Variants in GASK1A observed in about 807,000 individuals in gnomAD.
GASK1A encodes the protein golgi associated kinase 1A, also known as Golgi-associated kinase 1A.
GASK1A carries 40 observed loss-of-function variants against 41.2 expected under a neutral mutation model. The ratio of observed to expected loss-of-function variants is 0.97; its 90% CI spans 0.75 to 1.27. GASK1A has a LOEUF of 1.27. Ranked by LOEUF, GASK1A falls within the 50% of genes most tolerant of loss-of-function variation. The probability of loss-of-function intolerance (pLI) is 0.00; values close to 1 mark genes in which losing one functional copy is unlikely to be tolerated. For synonymous variants in GASK1A, 316 were observed against 307.1 expected (o/e 1.03, Z -0.30); for missense variants, 678 against 745.1 (o/e 0.91, Z 1.05).
Position 43,044,418 on chromosome 3 carries a change from A to G in GASK1A, c.1291-9103A>G, listed in dbSNP as rs142716029. On this transcript the variant is annotated intron_variant, in intron 2 of 4. Coordinates refer to ENST00000430121, the MANE Select transcript of GASK1A (RefSeq NM_001129908.3). ...TGAGGACAGTGCTTTTTCGGAGGGA[A>G]CCACTGGCCTGTCCCCTCCAGGGCC... Among the ~76,000 whole-genome samples the G allele has an allele frequency of 1.8e-4, 27 of 152,140 alleles. 1 individual carries two copies. The East Asian group carries it at 5.2e-3, about 29-fold the overall frequency.
chr3:43,027,379 A>T (rs1000970263), intron 1 of GASK1A, among the ~76,000 whole-genome samples: 4 of 152,232 alleles, frequency 2.6e-5, no homozygotes, highest in African/African-American at 9.6e-5. Flanking sequence ...AAACAATTGG[A>T]TGGGGGATGA....
intron 1 of GASK1A, among the ~76,000 whole-genome samples, chr3:43,010,344 T>C (rs2089457546): frequency 6.6e-6 from 1 of 152,226 alleles, no homozygotes; most frequent in Admixed American, 6.5e-5. Flanking sequence ...AGAACCCTAA[T>C]GCTTTCAGGG....
At chr3:42,989,217 A>C (rs1022472209) in intron 1 of GASK1A, among the ~76,000 whole-genome samples, 4 of 152,020 alleles carry the variant, frequency 2.6e-5, no homozygotes, top group African/African-American at 9.7e-5. Flanking sequence ...ATAGGGGGAG[A>C]GGGTTGCAGG....
chr3:43,047,474 A>G lies in GASK1A; in HGVS notation c.1291-6047A>G, dbSNP rs539929664. ...TCGTTCCTCACAGAGCCCTGATTTGATTCACCTTCCACCTATTCCTGGATT... is the reference window on the plus strand; with the variant it reads ...TCGTTCCTCACAGAGCCCTGATTTGGTTCACCTTCCACCTATTCCTGGATT... On this transcript the variant is annotated intron_variant, in intron 2 of 4. Transcript: ENST00000430121. 2.0e-5 allele frequency among the ~76,000 whole-genome samples: 3 copies of G among 152,292 alleles called. No individual in the cohort carries two copies. In the South Asian group the frequency reaches 6.2e-4, roughly 32 times the overall value.
rs1329284553 is a variant in GASK1A, at chr3:43,039,205, G to GTTTT, written c.1290+5664_1290+5667dup. ...TGCCACCAGGTAGTTTTTTTTTTTGGTTTTTTTTTTTTTTTGAGATGGAGT... is the reference window on the plus strand; with the variant it reads ...TGCCACCAGGTAGTTTTTTTTTTTGGTTTTTTTTTTTTTTTTTTTGAGATGGAGT... On this transcript the variant is annotated intron_variant, in intron 2 of 4. Transcript: ENST00000430121. Among the ~76,000 whole-genome samples the GTTTT allele has an allele frequency of 4.8e-5, 6 of 125,780 alleles. 1 individual carries two copies. The highest frequency in any genetic ancestry group is 1.7e-4 in the Admixed American group (2 of 12,076). The allele number at this position is 125,780 out of a possible 152,430, so 82.5% of individuals were successfully genotyped here. A position where few individuals can be genotyped will look rare whatever the true frequency, so the allele number is the denominator to read the frequency against.
intron 1 of GASK1A, among the ~76,000 whole-genome samples, chr3:42,987,460 G>C (rs1305957487): frequency 1.3e-5 from 2 of 152,102 alleles, no homozygotes; most frequent in African/African-American, 4.8e-5. Context: ...AGAAAAAAGT[G>C]GGGGGAGGGG....
intron 1 of GASK1A, among the ~76,000 whole-genome samples, chr3:43,005,956 G>A (rs535910343): frequency 2.6e-5 from 4 of 152,212 alleles, no homozygotes; most frequent in African/African-American, 7.2e-5. Flanking sequence ...TCAGGCATCC[G>A]CTGGGGGGCT....
intron 2 of GASK1A, chr3:43,037,425 G>T: frequency 1.1e-6 from 1 of 886,982 alleles, no homozygotes; most frequent in South Asian, 1.5e-5. Flanking sequence ...TGCTCTGGAG[G>T]CAGCTGTCTT....
chr3:42,987,136 C>A (rs1389666377), intron 1 of GASK1A, among the ~76,000 whole-genome samples: 6 of 152,268 alleles, frequency 3.9e-5, no homozygotes, highest in Non-Finnish European at 8.8e-5. Flanking sequence ...GCCTCCTTGG[C>A]CAGTTGCCAT....
intron 1 of GASK1A, among the ~76,000 whole-genome samples, chr3:42,980,306 A>G (rs1389071968): frequency 6.6e-6 from 1 of 152,110 alleles, no homozygotes; most frequent in Non-Finnish European, 1.5e-5. Context: ...GCAGAAAAGA[A>G]AAACCCATCG....
At chr3:43,023,011 C>T (rs568625781) in intron 1 of GASK1A, among the ~76,000 whole-genome samples, 1 of 152,242 alleles carries the variant, frequency 6.6e-6, no homozygotes, top group South Asian at 2.1e-4. Flanking sequence ...AAAATAATTA[C>T]CATGTGTAGT....
intron 1 of GASK1A, among the ~76,000 whole-genome samples, chr3:43,026,302 G>A (rs1025796487): frequency 1.4e-4 from 22 of 152,300 alleles, no homozygotes; most frequent in Middle Eastern, 3.4e-3. Context: ...CATGAAAACC[G>A]GTTGATTTCA....
chr3:43,019,785 CACA>C (rs1277663370), intron 1 of GASK1A, among the ~76,000 whole-genome samples: 8 of 151,996 alleles, frequency 5.3e-5, no homozygotes, highest in Non-Finnish European at 1.0e-4. Flanking sequence ...CACACACACA[CACA>C]CCCCATCACA....
At chr3:42,996,655 T>C (rs1401606239) in intron 1 of GASK1A, among the ~76,000 whole-genome samples, 2 of 152,214 alleles carry the variant, frequency 1.3e-5, no homozygotes, top group African/African-American at 4.8e-5. Context: ...CCATGTGTTA[T>C]TTGCAGCTAT....
chr3:42,994,936 C>T (rs534176575), intron 1 of GASK1A, among the ~76,000 whole-genome samples: 1 of 152,250 alleles, frequency 6.6e-6, no homozygotes, highest in Admixed American at 6.5e-5. Flanking sequence ...CTGTGCTGTC[C>T]AACATAGTAG....
At chr3:42,997,595 C>T (rs1378829011) in intron 1 of GASK1A, among the ~76,000 whole-genome samples, 2 of 152,164 alleles carry the variant, frequency 1.3e-5, no homozygotes, top group South Asian at 2.1e-4. Context: ...TCCTCAGCTG[C>T]ACCTGGAATA....
intron 2 of GASK1A, among the ~76,000 whole-genome samples, chr3:43,046,031 C>T (rs1216490620): frequency 6.6e-6 from 1 of 152,128 alleles, no homozygotes; most frequent in Non-Finnish European, 1.5e-5. Context: ...CTGTTTATAG[C>T]AGTATGAAAA....
intron 3 of GASK1A, 60 bp downstream of exon 3, chr3:43,053,703 A>G (rs1015962825): frequency 9.3e-5 from 143 of 1,538,560 alleles, no homozygotes; most frequent in Non-Finnish European, 1.2e-4. Context: ...TGTGTCCTTC[A>G]GAAGATGCTG....
chr3:43,006,003 C>T (rs925695380), intron 1 of GASK1A, among the ~76,000 whole-genome samples: 1 of 152,180 alleles, frequency 6.6e-6, no homozygotes, highest in African/African-American at 2.4e-5. Flanking sequence ...GTAGGGACTG[C>T]TGTATTATAT....
Sources: gnomAD v4.1 joint callset for allele counts (sites outside exome capture counted in the v4.1 genomes callset) on GRCh38, gnomAD v4.1.1 for gene constraint, MANE v1.5 for transcripts, NCBI Gene and HGNC (gene_info 2026-07-23, HGNC 2026-07-21) for gene names.